SLC12A8: variants seen among roughly 807,000 people sequenced by gnomAD.
SLC12A8 encodes cation-chloride cotransporter 9.
Under a neutral mutation model 75.6 loss-of-function variants are expected in SLC12A8, and 69 were observed. The observed-to-expected ratio is 0.91, with a 90% CI of 0.75 to 1.11. SLC12A8 has a LOEUF of 1.11. Ranked by LOEUF, SLC12A8 falls within the 50% of genes most tolerant of loss-of-function variation. The pLI is 0.00. For synonymous variants in SLC12A8, 365 were observed against 372.8 expected, an observed-to-expected ratio of 0.98 and a Z score of 0.24; for missense variants, 877 against 896.7, an observed-to-expected ratio of 0.98 and a Z score of 0.28.
At chr3:125,203,971 G>A (rs139432369) in intron 2 of SLC12A8, among the ~76,000 whole-genome samples, 1,613 of 152,200 alleles carry the variant, frequency 0.011, 25 homozygotes, top group African/African-American at 0.037. Context: ...TGGCCAACAG[G>A]CACATGAAAA....
chr3:125,159,664 C>T (rs1338151915), intron 5 of SLC12A8, among the ~76,000 whole-genome samples: 1 of 152,244 alleles, frequency 6.6e-6, no homozygotes, highest in African/African-American at 2.4e-5. Flanking sequence ...GCTGGGATTA[C>T]AGGCGTGAGC....
chr3:125,101,568 T>C (rs1938874961), intron 10 of SLC12A8, among the ~76,000 whole-genome samples: 1 of 152,238 alleles, frequency 6.6e-6, no homozygotes. Context: ...TGACACTGTG[T>C]TGTACAAATG....
intron 4 of SLC12A8, among the ~76,000 whole-genome samples, chr3:125,178,882 T>C (rs772087831): frequency 6.6e-6 from 1 of 152,258 alleles, no homozygotes; most frequent in Non-Finnish European, 1.5e-5. Flanking sequence ...GTATTTGTTA[T>C]ATAATCTTTT....
intron 4 of SLC12A8, 94 bp from the exon 5 acceptor site, chr3:125,178,068 C>T (rs944461438): frequency 7.9e-6 from 8 of 1,013,742 alleles, no homozygotes; most frequent in Middle Eastern, 2.5e-4. Context: ...GCACCCCCAT[C>T]GGACACACTC....
chr3:125,110,455 C>T (rs2107744187), intron 8 of SLC12A8, 120 bp from the exon 9 acceptor site: 4 of 932,574 alleles, frequency 4.3e-6, no homozygotes, highest in Non-Finnish European at 6.3e-6. Context: ...AGATCTGATC[C>T]CTGGGATACA....
At chr3:125,102,840 T>C (rs1446470275) in intron 10 of SLC12A8, among the ~76,000 whole-genome samples, 1 of 152,158 alleles carries the variant, frequency 6.6e-6, no homozygotes, top group African/African-American at 2.4e-5. Flanking sequence ...GTGACCGTAG[T>C]GACAGACTGA....
chr3:125,104,507 GA>G (rs35777145), intron 10 of SLC12A8, among the ~76,000 whole-genome samples: 88,224 of 125,094 alleles, frequency 0.71, 30,097 homozygotes, highest in South Asian at 0.87. Flanking sequence ...GTTCAAATTA[GA>G]AAAAAAAAAA....
Position 125,108,040 on chromosome 3 carries a change from A to T in SLC12A8, c.1146T>A (p.Val382=). The change falls in exon 10 of 14, where the codon GTT becomes GTA. Residue 382 remains valine, a synonymous_variant. Coordinates refer to ENST00000469902, the MANE Select transcript of SLC12A8 (RefSeq NM_024628.6). ...MAFVFVGQVN[V]LAPIVTINFM... Reference sequence around the variant, plus strand: ...AGTTGATGGTGACGATGGGGGCCAGAACGTTCACTTGACCCACAAAAACAA... The same window carrying T: ...AGTTGATGGTGACGATGGGGGCCAGTACGTTCACTTGACCCACAAAAACAA... The T allele has an allele frequency of 6.2e-7, 1 of 1,614,190 alleles. No individual in the cohort carries two copies. The highest frequency in any genetic ancestry group is 8.5e-7 in the Non-Finnish European group (1 of 1,180,030).
chr3:125,198,954 A>G lies in SLC12A8; in HGVS notation c.52-8433T>C, dbSNP rs570936018. ...CACCACGCCCGGCTAATTTTTTTGAATTTTTAGTAGAGATGGGGTTTCACC... is the reference window on the plus strand; with the variant it reads ...CACCACGCCCGGCTAATTTTTTTGAGTTTTTAGTAGAGATGGGGTTTCACC... On this transcript the variant is annotated intron_variant, in intron 2 of 13. Transcript: ENST00000469902. Among the ~76,000 whole-genome samples, 70 of 151,660 alleles carry G rather than the reference A, an allele frequency of 4.6e-4. No homozygotes were observed. In the South Asian group the frequency reaches 0.014, roughly 30 times the overall value.
At chr3:125,190,051 G>A (rs1934877771) in intron 3 of SLC12A8, among the ~76,000 whole-genome samples, 1 of 152,114 alleles carries the variant, frequency 6.6e-6, no homozygotes, top group Non-Finnish European at 1.5e-5. Flanking sequence ...AAACTACAGA[G>A]GGCCACAAGC....
intron 6 of SLC12A8, among the ~76,000 whole-genome samples, chr3:125,130,749 G>A (rs1219309678): frequency 1.3e-5 from 2 of 152,226 alleles, no homozygotes; most frequent in Admixed American, 6.5e-5. Context: ...CTCCTGCCTG[G>A]AGGGAGAAGC....
At chr3:125,187,656 C>T (rs1934821098) in intron 3 of SLC12A8, among the ~76,000 whole-genome samples, 1 of 152,162 alleles carries the variant, frequency 6.6e-6, no homozygotes, top group Non-Finnish European at 1.5e-5. Context: ...TCTTCAATGA[C>T]TCTCCCACCT....
In SLC12A8 at chr3:125,134,401, C is replaced by T. The variant is rs193209690; in HGVS notation, c.736+1268G>A. Among the ~76,000 whole-genome samples the T allele has an allele frequency of 4.6e-4, 70 of 152,284 alleles. 1 individual carries two copies. Among genetic ancestry groups the T allele is most frequent in the African/African-American group, 1.3e-3 (54 of 41,552 alleles). On this transcript the variant is annotated intron_variant, in intron 6 of 13. Transcript: ENST00000469902. ...CTAGGATTACAGGTATGAGCCACCA[C>T]GCCTGACCAGTTATTTATTTTTATT...
chr3:125,211,112 T>C (rs1935329251), intron 2 of SLC12A8, among the ~76,000 whole-genome samples, 187 bp downstream of exon 2: 1 of 152,224 alleles, frequency 6.6e-6, no homozygotes, highest in Non-Finnish European at 1.5e-5. Context: ...GTTTTCTGTA[T>C]ATGAACAGTT....
rs373712807 is a variant in SLC12A8, at chr3:125,146,823, TAG to T, written c.623-11043_623-11042del. On this transcript the variant is annotated intron_variant, in intron 5 of 13. Coordinates refer to ENST00000469902, the MANE Select transcript of SLC12A8 (RefSeq NM_024628.6). ...CCCAGCTAAGTTTGTACATTTTTTGTAGAGACAAGGTCTCTGTTTGTTGCCAC... is the reference window on the plus strand; with the variant it reads ...CCCAGCTAAGTTTGTACATTTTTTGTAGACAAGGTCTCTGTTTGTTGCCAC... 9.9e-4 allele frequency among the ~76,000 whole-genome samples: 151 copies of T among 152,360 alleles called. 2 individuals carry two copies. The highest frequency in any genetic ancestry group is 7.7e-3 in the South Asian group (37 of 4,834).
intron 8 of SLC12A8, among the ~76,000 whole-genome samples, chr3:125,111,264 G>A (rs1939180669): frequency 6.6e-6 from 1 of 152,094 alleles, no homozygotes; most frequent in Non-Finnish European, 1.5e-5. Flanking sequence ...TGACCCACAA[G>A]GCACCAACAG....
At chr3:125,206,326 C>T (rs1034606915) in intron 2 of SLC12A8, among the ~76,000 whole-genome samples, 3 of 152,198 alleles carry the variant, frequency 2.0e-5, no homozygotes, top group Non-Finnish European at 4.4e-5. Context: ...CTGGTTCTGC[C>T]TTCTAACCTT....
chr3:125,088,071 C>T (rs1431616454), intron 13 of SLC12A8: 9 of 517,182 alleles, frequency 1.7e-5, no homozygotes, highest in Non-Finnish European at 1.0e-5. Context: ...TTCTTGATGA[C>T]TGAGGATAAG....
At chr3:125,158,552 C>T (rs1026000207) in intron 5 of SLC12A8, among the ~76,000 whole-genome samples, 3 of 152,092 alleles carry the variant, frequency 2.0e-5, no homozygotes, top group African/African-American at 7.2e-5. Context: ...ATAAGTGTAT[C>T]CAACTATTAT....
Sources: gnomAD v4.1 joint callset for allele counts (sites outside exome capture counted in the v4.1 genomes callset) on GRCh38, gnomAD v4.1.1 for gene constraint, MANE v1.5 for transcripts, NCBI Gene and HGNC (gene_info 2026-07-23, HGNC 2026-07-21) for gene names.